ZC3H11A: variants seen among roughly 807,000 people sequenced by gnomAD.
ZC3H11A encodes the protein zinc finger CCCH domain-containing protein 11A.
Under a neutral mutation model 90.8 loss-of-function variants are expected in ZC3H11A, and 22 were observed. The ratio of observed to expected loss-of-function variants is 0.24; its 90% CI spans 0.17 to 0.35. The LOEUF (loss-of-function observed/expected upper bound fraction) is 0.35. Ranked by LOEUF, ZC3H11A falls within the 10% of genes least tolerant of loss-of-function variation. The probability of loss-of-function intolerance (pLI) is 1.00; values close to 1 mark genes in which losing one functional copy is unlikely to be tolerated. For synonymous variants in ZC3H11A, 294 were observed against 339.8 expected (o/e 0.87, Z 1.48); for missense variants, 701 against 964.9 (o/e 0.73, Z 3.62).
At position 203,850,576 on chromosome 1, in the gene ZC3H11A, C is replaced by T; in HGVS notation, c.2001C>T (p.Ala667=). 1 of 1,613,946 alleles carries T rather than the reference C, an allele frequency of 6.2e-7. No individual in the cohort carries two copies. Among genetic ancestry groups the T allele is most frequent in the South Asian group, 1.1e-5 (1 of 91,074 alleles). Residue 667 remains alanine (A), a synonymous_variant, in exon 16 of 18, where the codon GCC becomes GCT. Transcript: ENST00000367210. The part of the protein sequence containing the change: ...VVKVVSSPKL[A]PKRKAVEMHA... Reference sequence around the variant, plus strand: ...AAGTTGTGTCATCCCCCAAATTGGCCCCAAAACGTAAGGCAGTGGAGATGC... The same window carrying T: ...AAGTTGTGTCATCCCCCAAATTGGCTCCAAAACGTAAGGCAGTGGAGATGC...
rs1214904277 is a variant in ZC3H11A, at chr1:203,806,166, C to G, written c.-146+3150C>G. The G allele has an allele frequency of 1.2e-5, 6 of 497,522 alleles. No individual in the cohort carries two copies. In the East Asian group the frequency reaches 1.6e-4, roughly 14 times the overall value. 30.8% of individuals were successfully genotyped at this position (497,522 alleles called of 1,614,324 possible). A position where few individuals can be genotyped will look rare whatever the true frequency, so the allele number is the denominator to read the frequency against. Reference sequence around the variant, plus strand: ...CTAGCTCAGCATCCAATCTAGAAATCTTGTCAGTGGATTCTGCCCTGCTGT... The same window carrying G: ...CTAGCTCAGCATCCAATCTAGAAATGTTGTCAGTGGATTCTGCCCTGCTGT... On this transcript the variant is annotated intron_variant, in intron 2 of 17. Coordinates refer to ENST00000367210, the MANE Select transcript of ZC3H11A (RefSeq NM_001376342.1).
rs1689709963 is a variant in ZC3H11A at position 203,853,871 on chromosome 1, C to T, written c.*1472C>T. The T allele has an allele frequency of 6.6e-6, 1 of 152,652 alleles. No homozygotes were observed. Among genetic ancestry groups the T allele is most frequent in the South Asian group, 2.1e-4 (1 of 4,836 alleles). 9.5% of individuals were successfully genotyped at this position (152,652 alleles called of 1,614,324 possible). ...GACTGAATGTTGTATGATAGCCCTT[C>T]TCCAAAGCAGAGGTAGAATGTTCAG... On this transcript the variant is annotated 3_prime_UTR_variant, in exon 18 of 18. Transcript: ENST00000367210.
intron 4 of ZC3H11A, among the ~76,000 whole-genome samples, chr1:203,821,396 T>C (rs1190214617): frequency 1.3e-5 from 2 of 152,214 alleles, no homozygotes; most frequent in African/African-American, 4.8e-5. Flanking sequence ...TTTTCTATTT[T>C]AATCAGTGTG....
chr1:203,821,958 C>T (rs1024457127), intron 4 of ZC3H11A, among the ~76,000 whole-genome samples: 9 of 152,070 alleles, frequency 5.9e-5, no homozygotes, highest in East Asian at 1.9e-4. Context: ...GGGGTTTCAC[C>T]GTGTTAGCCA....
intron 2 of ZC3H11A, among the ~76,000 whole-genome samples, chr1:203,814,420 A>C (rs1355073588): frequency 1.3e-5 from 2 of 152,156 alleles, no homozygotes; most frequent in East Asian, 3.9e-4. Flanking sequence ...GCTACTTGGG[A>C]GACTGAGGCG....
In ZC3H11A at chr1:203,837,039, G is replaced by A. The variant is rs142451567; in HGVS notation, c.875-927G>A. On this transcript the variant is annotated intron_variant, in intron 10 of 17. Transcript: ENST00000367210. ...TTTTGGGGGGGCCTGGCATAGTGCT[G>A]TAATCCTAGCATTTGGAGGCTGAAG... is the stretch of plus-strand genomic sequence containing the variant. Among the ~76,000 whole-genome samples, 20 of 152,240 alleles carry A rather than the reference G, an allele frequency of 1.3e-4. No homozygotes were observed. The East Asian group carries it at 3.5e-3, about 27-fold the overall frequency.
chr1:203,840,783 G>A (rs540471874), intron 12 of ZC3H11A, among the ~76,000 whole-genome samples: 15 of 151,862 alleles, frequency 9.9e-5, no homozygotes, highest in Non-Finnish European at 1.8e-4. Flanking sequence ...ACAGGCGTAC[G>A]CCACCATGCC....
chr1:203,849,738 A>G lies in ZC3H11A; in HGVS notation c.1651A>G (p.Ile551Val), dbSNP rs753874700. ...TTCAGGTGAGACCACAGGAGTTGACATCACTAAAATTCAAGTCAAGAGATG... is the reference window on the plus strand; with the variant it reads ...TTCAGGTGAGACCACAGGAGTTGACGTCACTAAAATTCAAGTCAAGAGATG... Reference protein sequence around the residue: ...EASGETTGVDITKIQVKRCET... With the variant: ...EASGETTGVDVTKIQVKRCET... Residue 551 changes from isoleucine (I) to valine (V), a missense_variant, in exon 15 of 18, where the codon ATC becomes GTC. Ile to Val is a conservative substitution (Grantham distance 29). Around this residue, in one of 4 missense-constraint regions of ZC3H11A, gnomAD observed 530 missense variants for 696.2 expected, o/e 0.76. Transcript: ENST00000367210. The G allele has an allele frequency of 3.1e-6, 5 of 1,613,976 alleles. No homozygotes were observed. The East Asian group carries it at 8.9e-5, about 29-fold the overall frequency.
chr1:203,830,539 G>A (rs566376031), intron 8 of ZC3H11A, among the ~76,000 whole-genome samples: 3 of 152,280 alleles, frequency 2.0e-5, no homozygotes, highest in East Asian at 3.9e-4. Flanking sequence ...AAGGCTGGGC[G>A]TGGTGGCTCA....
chr1:203,797,358 TTCCTCCAA>T, intron 1 of ZC3H11A: 2 of 619,748 alleles, frequency 3.2e-6, no homozygotes, highest in South Asian at 2.7e-5. Flanking sequence ...GCTGTCAGTT[TTCCTCCAA>T]AAATAACCTG....
chr1:203,807,866 C>T (rs141467137), intron 2 of ZC3H11A, among the ~76,000 whole-genome samples: 4 of 152,086 alleles, frequency 2.6e-5, no homozygotes, highest in African/African-American at 7.2e-5. Flanking sequence ...CTCAGCGTCC[C>T]AAGTAGCTGG....
At chr1:203,814,245 G>A (rs574775565) in intron 2 of ZC3H11A, among the ~76,000 whole-genome samples, 2 of 152,036 alleles carry the variant, frequency 1.3e-5, no homozygotes, top group African/African-American at 2.4e-5. Flanking sequence ...AACCTTTCCG[G>A]CCAGGCGCTG....
intron 12 of ZC3H11A, among the ~76,000 whole-genome samples, chr1:203,842,789 G>A (rs541761136): frequency 6.6e-6 from 1 of 151,530 alleles, no homozygotes; most frequent in South Asian, 2.1e-4. Flanking sequence ...TGTCATCTGG[G>A]TATTGAGGTT....
intron 1 of ZC3H11A, chr1:203,800,345 G>A (rs145114023): frequency 1.1e-4 from 99 of 898,036 alleles, no homozygotes; most frequent in Non-Finnish European, 1.6e-4. Flanking sequence ...TAGAACAACT[G>A]ATGTTTCTGA....
intron 8 of ZC3H11A, 144 bp from the exon 9 acceptor site, chr1:203,831,517 C>T: frequency 1.6e-6 from 1 of 644,480 alleles, no homozygotes; most frequent in Admixed American, 2.7e-5. Context: ...TGACTGTAGG[C>T]AAACAGATAC....
intron 2 of ZC3H11A, chr1:203,806,262 A>T (rs1479781296): frequency 3.2e-6 from 1 of 316,198 alleles, no homozygotes; most frequent in Non-Finnish European, 6.2e-6. Context: ...GAATCAGTTT[A>T]TCTTGAGTGG....
chr1:203,808,032 A>G (rs894958301), intron 2 of ZC3H11A, among the ~76,000 whole-genome samples: 2 of 152,006 alleles, frequency 1.3e-5, no homozygotes, highest in African/African-American at 4.8e-5. Flanking sequence ...GTGAGCCACC[A>G]TGCCTGGCCT....
chr1:203,830,474 A>G (rs983446575), intron 8 of ZC3H11A, among the ~76,000 whole-genome samples: 15 of 152,238 alleles, frequency 9.9e-5, no homozygotes, highest in African/African-American at 3.4e-4. Flanking sequence ...TATAAGAACT[A>G]TATTAATTCT....
intron 2 of ZC3H11A, among the ~76,000 whole-genome samples, chr1:203,803,483 C>T (rs1036527754): frequency 2.0e-5 from 3 of 152,160 alleles, no homozygotes; most frequent in Admixed American, 6.5e-5. Flanking sequence ...GAGCCACCGC[C>T]TCTGGCCCAT....
Sources: gnomAD v4.1 joint callset for allele counts (sites outside exome capture counted in the v4.1 genomes callset) on GRCh38, gnomAD v4.1.1 for gene constraint, gnomAD v4.1.1 regional missense constraint, MANE v1.5 for transcripts, NCBI Gene and HGNC (gene_info 2026-07-23, HGNC 2026-07-21) for gene names.